Variants in TGFBR2 observed in about 807,000 individuals in gnomAD.
The protein encoded by TGFBR2 is transforming growth factor beta receptor 2, also known as TGF-beta receptor type-2.
A neutral mutation model predicts 49.0 loss-of-function variants in TGFBR2; 18 were observed. The ratio of observed to expected loss-of-function variants is 0.37; its 90% confidence interval spans 0.25 to 0.54. The LOEUF (loss-of-function observed/expected upper bound fraction) is 0.54, where lower values mean the gene tolerates loss of function less well. TGFBR2 is among the 20% of genes least tolerant of loss of function. TGFBR2 has a pLI of 0.85. For missense variants in TGFBR2, 525 were observed against 722.6 expected, an observed-to-expected ratio of 0.73 and a Z score of 3.13; for synonymous variants, 282 against 275.9, an observed-to-expected ratio of 1.02 and a Z score of -0.22.
At chr3:30,614,967 T>C (rs1698104120) in intron 1 of TGFBR2, among the ~76,000 whole-genome samples, 1 of 152,212 alleles carries the variant, frequency 6.6e-6, no homozygotes, top group African/African-American at 2.4e-5. Context: ...GCATTCTTCA[T>C]ATATTATCCC....
At position 30,613,550 on chromosome 3, in the gene TGFBR2, GAA is replaced by G. The variant is rs1471262202; in HGVS notation, c.94+6575_94+6576del. 6.3e-5 allele frequency among the ~76,000 whole-genome samples: 9 copies of G among 142,938 alleles called. No homozygotes were observed. The East Asian group carries it at 6.5e-4, about 10-fold the overall frequency. 93.8% of individuals were successfully genotyped at this position (142,938 alleles called of 152,430 possible). A position where few individuals can be genotyped will look rare whatever the true frequency, so the allele number is the denominator to read the frequency against. On this transcript the variant is annotated intron_variant, in intron 1 of 6. Transcript: ENST00000295754. ...TGAGAGAGAGAGAGAGAGAGAGAGA[GAA>G]AGAGAGAGAGAGACAGAGAGCGAGC...
At chr3:30,610,011 A>T (rs1342360496) in intron 1 of TGFBR2, among the ~76,000 whole-genome samples, 1 of 152,222 alleles carries the variant, frequency 6.6e-6, no homozygotes, top group East Asian at 1.9e-4. Context: ...AGTTATGAAC[A>T]TGACTTTTTA....
chr3:30,631,906 C>G (rs1477686027), intron 1 of TGFBR2, among the ~76,000 whole-genome samples: 1 of 152,024 alleles, frequency 6.6e-6, no homozygotes, highest in Non-Finnish European at 1.5e-5. Context: ...GCTGCCATTC[C>G]CAGCATGGTG....
intron 1 of TGFBR2, among the ~76,000 whole-genome samples, chr3:30,611,677 T>C (rs574860510): frequency 2.5e-4 from 38 of 151,948 alleles, no homozygotes; most frequent in Non-Finnish European, 4.7e-4. Context: ...TCTTTTTTCA[T>C]TGGGTTTTAT....
chr3:30,651,812 G>A (rs576337320), intron 3 of TGFBR2, among the ~76,000 whole-genome samples: 5 of 152,310 alleles, frequency 3.3e-5, no homozygotes, highest in East Asian at 1.9e-4. Flanking sequence ...ATGGATTTCC[G>A]TGTACCTTCT....
At chr3:30,658,283 A>C (rs1291662484) in intron 3 of TGFBR2, among the ~76,000 whole-genome samples, 1 of 152,244 alleles carries the variant, frequency 6.6e-6, no homozygotes, top group African/African-American at 2.4e-5. Flanking sequence ...CACATTTAGC[A>C]TACTAATATC....
In TGFBR2 at chr3:30,672,583, T is replaced by G. The variant is rs1156673340; in HGVS notation, c.1254+146T>G. On this transcript the variant is annotated intron_variant, in intron 4 of 6. Transcript: ENST00000295754. This position sits in a 1 kb window ranked among gnomAD's most constrained non-coding sequence, Gnocchi z 4.5. ...TCTAGCCAAAGTATGGAGTCTGCCT[T>G]GAGCATACTCTGCTCTGTCCTGCCT... 3.3e-6 allele frequency: 3 copies of G among 903,938 alleles called. No homozygotes were observed. The highest frequency in any genetic ancestry group is 3.3e-5 in the African/African-American group (2 of 61,286). 56.0% of individuals were successfully genotyped at this position (903,938 alleles called of 1,614,324 possible).
At chr3:30,637,894 G>T (rs956936417) in intron 1 of TGFBR2, among the ~76,000 whole-genome samples, 6 of 152,336 alleles carry the variant, frequency 3.9e-5, no homozygotes, top group African/African-American at 1.4e-4. Context: ...CGTTTGCAGT[G>T]TTGATTGATA....
intron 3 of TGFBR2, among the ~76,000 whole-genome samples, chr3:30,664,573 C>T (rs376681822): frequency 6.6e-6 from 1 of 151,804 alleles, no homozygotes; most frequent in African/African-American, 2.4e-5. Flanking sequence ...TGGCAGAAAA[C>T]CTCAAGGGGA....
chr3:30,644,195 C>A (rs549511240), intron 1 of TGFBR2, among the ~76,000 whole-genome samples: 8 of 152,076 alleles, frequency 5.3e-5, no homozygotes, highest in African/African-American at 7.2e-5. Context: ...AGGAAAATGG[C>A]GGCAAAATCT....
At chr3:30,656,957 A>G (rs1238965143) in intron 3 of TGFBR2, among the ~76,000 whole-genome samples, 1 of 152,214 alleles carries the variant, frequency 6.6e-6, no homozygotes. Context: ...CACCTGTGCT[A>G]ACTACTTTCA....
intron 3 of TGFBR2, among the ~76,000 whole-genome samples, chr3:30,660,334 G>T (rs1489714698): frequency 6.6e-6 from 1 of 152,132 alleles, no homozygotes; most frequent in Non-Finnish European, 1.5e-5. Flanking sequence ...CTGCACATTG[G>T]AAACACCTGA....
chr3:30,631,923 C>T (rs188637386), intron 1 of TGFBR2, among the ~76,000 whole-genome samples: 1 of 152,202 alleles, frequency 6.6e-6, no homozygotes, highest in Admixed American at 6.5e-5. Context: ...GGTGAATTCT[C>T]CTCCAGTAGA....
intron 6 of TGFBR2, among the ~76,000 whole-genome samples, chr3:30,690,651 C>G (rs980933644): frequency 6.6e-6 from 1 of 152,108 alleles, no homozygotes; most frequent in African/African-American, 2.4e-5. Context: ...TGTATATGAC[C>G]CAACTATATG....
At position 30,626,233 on chromosome 3, in the gene TGFBR2, G is replaced by C. The variant is rs17025786; in HGVS notation, c.95-18514G>C. ...ACAGCAAAGAAATTCCATTTACTGG[G>C]TTGAAAACTCCCATCTGTTGACTTT... On this transcript the variant is annotated intron_variant, in intron 1 of 6. Transcript: ENST00000295754. 9.5e-3 allele frequency among the ~76,000 whole-genome samples: 1,451 copies of C among 152,308 alleles called. 20 individuals are homozygous for C. Among genetic ancestry groups the C allele is most frequent in the African/African-American group, 0.033 (1,392 of 41,564 alleles).
rs2125437117 is a variant in TGFBR2 at position 30,672,428 on chromosome 3, C to T, written c.1245C>T (p.Asn415=). The T allele has an allele frequency of 6.2e-7, 1 of 1,614,198 alleles. No individual in the cohort carries two copies. Among genetic ancestry groups the T allele is most frequent in the Non-Finnish European group, 8.5e-7 (1 of 1,180,022 alleles). ...CTCTGTCTGTGGATGACCTGGCTAA[C>T]AGTGGGCAGGTAAGTTAGAGCTAGT... The part of the protein sequence containing the change: ...DPTLSVDDLA[N]SGQVGTARYM... The change falls in exon 4 of 7, where the codon AAC becomes AAT. Residue 415 remains asparagine, a synonymous_variant. Coordinates refer to ENST00000295754, the MANE Select transcript of TGFBR2 (RefSeq NM_003242.6). The surrounding 1 kb of genome is among the most constrained non-coding windows in gnomAD (Gnocchi z 4.5).
intron 1 of TGFBR2, among the ~76,000 whole-genome samples, chr3:30,629,115 C>A (rs558137968): frequency 6.6e-6 from 1 of 152,182 alleles, no homozygotes; most frequent in African/African-American, 2.4e-5. Context: ...TTTTGAATTT[C>A]TTTAGATCAG....
upstream of TGFBR2, chr3:30,606,554 G>A: frequency 1.0e-5 from 3 of 294,276 alleles, no homozygotes; most frequent in Non-Finnish European, 1.9e-5. Context: ...CTGTTGGCGA[G>A]GAGTTTCCTG....
intron 3 of TGFBR2, among the ~76,000 whole-genome samples, chr3:30,654,227 T>G (rs528781878): frequency 6.6e-6 from 1 of 152,346 alleles, no homozygotes; most frequent in African/African-American, 2.4e-5. Context: ...TAAATGAGGC[T>G]TGGTTGTCTG....
Sources: allele counts gnomAD v4.1 joint callset (sites outside exome capture counted in the v4.1 genomes callset), GRCh38; gene constraint gnomAD v4.1.1; non-coding constraint Gnocchi (gnomAD v3.1); transcripts MANE v1.5; gene names NCBI Gene and HGNC (gene_info 2026-07-23, HGNC 2026-07-21).